Variants in MCU observed in about 807,000 individuals in gnomAD.
MCU encodes the protein mitochondrial calcium uniporter, also known as calcium uniporter protein, mitochondrial.
MCU carries 12 observed loss-of-function variants against 45.2 expected under a neutral mutation model. The ratio of observed to expected loss-of-function variants is 0.27; its 90% confidence interval spans 0.17 to 0.43. The LOEUF (loss-of-function observed/expected upper bound fraction) is 0.43, where lower values mean the gene tolerates loss of function less well. Ranked by LOEUF, MCU falls within the 20% of genes least tolerant of loss-of-function variation. The pLI is 1.00. For synonymous variants in MCU, 160 were observed against 165.1 expected, an observed-to-expected ratio of 0.97 and a Z score of 0.24; for missense variants, 324 against 436.7, an observed-to-expected ratio of 0.74 and a Z score of 2.30.
chr10:72,806,805 AC>A (rs1224802415), intron 1 of MCU, among the ~76,000 whole-genome samples: 1 of 152,244 alleles, frequency 6.6e-6, no homozygotes, highest in Non-Finnish European at 1.5e-5. Context: ...ATGAGAAGGA[AC>A]CAATCATGCA....
intron 1 of MCU, among the ~76,000 whole-genome samples, chr10:72,755,329 G>A (rs1843559808): frequency 6.6e-6 from 1 of 151,874 alleles, no homozygotes; most frequent in African/African-American, 2.4e-5. Context: ...TGTATTTTTA[G>A]TAGAGACGGG....
At chr10:72,787,891 AT>A in intron 1 of MCU, among the ~76,000 whole-genome samples, 1 of 151,596 alleles carries the variant, frequency 6.6e-6, no homozygotes, top group African/African-American at 2.4e-5. Context: ...TAATTTTTGT[AT>A]TTTTAGTAGA....
intron 1 of MCU, among the ~76,000 whole-genome samples, chr10:72,761,239 G>C (rs1344790965): frequency 6.6e-6 from 1 of 152,198 alleles, no homozygotes; most frequent in African/African-American, 2.4e-5. Flanking sequence ...CATTAGTAAT[G>C]AGAAGCGTCA....
At chr10:72,837,223 T>TA (rs1271232490) in intron 2 of MCU, among the ~76,000 whole-genome samples, 1 of 152,044 alleles carries the variant, frequency 6.6e-6, no homozygotes, top group African/African-American at 2.4e-5. Flanking sequence ...CGTAAATACT[T>TA]ATGAGAATCT....
chr10:72,730,307 C>CTTTTTTTT (rs1221272053), intron 1 of MCU, among the ~76,000 whole-genome samples: 3 of 124,236 alleles, frequency 2.4e-5, no homozygotes, highest in Non-Finnish European at 3.4e-5. Context: ...CTTTCTTTTT[C>CTTTTTTTT]TTTTTTTTTT....
intron 1 of MCU, among the ~76,000 whole-genome samples, chr10:72,826,962 CTATTT>C (rs1321045841): frequency 6.6e-6 from 1 of 152,054 alleles, no homozygotes; most frequent in African/African-American, 2.4e-5. Flanking sequence ...TGTAATTATT[CTATTT>C]TATTATTGTT....
In MCU at chr10:72,810,868, A is replaced by G. The variant is rs1844533497; in HGVS notation, c.151-23491A>G. On this transcript the variant is annotated intron_variant, in intron 1 of 7. Coordinates refer to ENST00000373053, the MANE Select transcript of MCU (RefSeq NM_138357.3). ...GATGAAATAAATTTACCAGAAAGTA[A>G]GGATTGGCACAGTAGGTCTAGGAGG... Among the ~76,000 whole-genome samples, 5 of 152,260 alleles carry G rather than the reference A, an allele frequency of 3.3e-5. No homozygotes were observed. The South Asian group carries it at 1.0e-3, about 32-fold the overall frequency.
chr10:72,821,083 T>C (rs1844705122), intron 1 of MCU, among the ~76,000 whole-genome samples: 1 of 152,186 alleles, frequency 6.6e-6, no homozygotes, highest in Non-Finnish European at 1.5e-5. Context: ...TTCTAAAGCA[T>C]TGTCCCATTT....
chr10:72,698,796 T>C (rs1457201671), intron 1 of MCU, among the ~76,000 whole-genome samples: 1 of 152,064 alleles, frequency 6.6e-6, no homozygotes, highest in Non-Finnish European at 1.5e-5. Flanking sequence ...TGAGCCACCA[T>C]GCTCAGCCCT....
At chr10:72,857,234 G>A (rs1327059882) in intron 2 of MCU, among the ~76,000 whole-genome samples, 1 of 149,598 alleles carries the variant, frequency 6.7e-6, no homozygotes, top group Non-Finnish European at 1.5e-5. Context: ...TGTGAGTTAG[G>A]GATTAAACCC....
At chr10:72,802,344 C>T (rs1344932944) in intron 1 of MCU, among the ~76,000 whole-genome samples, 2 of 150,544 alleles carry the variant, frequency 1.3e-5, no homozygotes, top group African/African-American at 2.5e-5. Context: ...TTATTAGCCT[C>T]GTTTTCATTT....
chr10:72,753,370 G>A (rs542024769), intron 1 of MCU, among the ~76,000 whole-genome samples: 2 of 152,184 alleles, frequency 1.3e-5, no homozygotes, highest in South Asian at 4.2e-4. Flanking sequence ...TTTACTCGTT[G>A]TTACATTGTA....
intron 2 of MCU, among the ~76,000 whole-genome samples, chr10:72,850,607 C>CA (rs973669491): frequency 1.3e-5 from 2 of 152,118 alleles, no homozygotes; most frequent in African/African-American, 4.8e-5. Context: ...CCTGATGCCT[C>CA]AAAGGCATTT....
At chr10:72,814,751 A>G (rs1844599603) in intron 1 of MCU, among the ~76,000 whole-genome samples, 1 of 152,272 alleles carries the variant, frequency 6.6e-6, no homozygotes, top group Non-Finnish European at 1.5e-5. Context: ...GGGTTATATT[A>G]TCTTAAGGGT....
In MCU at chr10:72,885,933, T is replaced by C. The variant is rs1845768776; in HGVS notation, c.*111T>C. The stretch of plus-strand genomic sequence containing the variant: ...GTGGGGGGTAGAGCGTTTTTACCTT[T>C]AATTATAAAACAAAAACAGAAAGGA... On this transcript the variant is annotated 3_prime_UTR_variant, in exon 8 of 8. Coordinates refer to ENST00000373053, the MANE Select transcript of MCU (RefSeq NM_138357.3). 2.7e-6 allele frequency: 2 copies of C among 751,322 alleles called. No homozygotes were observed. Among genetic ancestry groups the C allele is most frequent in the Admixed American group, 2.6e-5 (1 of 38,176 alleles). 46.5% of individuals were successfully genotyped at this position (751,322 alleles called of 1,614,324 possible).
At chr10:72,866,651 TC>T (rs1316291920) in intron 4 of MCU, among the ~76,000 whole-genome samples, 2 of 152,146 alleles carry the variant, frequency 1.3e-5, no homozygotes, top group Non-Finnish European at 2.9e-5. Flanking sequence ...CACCTTTGCC[TC>T]CCAAAGTGCT....
chr10:72,704,796 C>T (rs1313227022), intron 1 of MCU, among the ~76,000 whole-genome samples: 1 of 149,652 alleles, frequency 6.7e-6, no homozygotes, highest in African/African-American at 2.5e-5. Context: ...CTCACTGCAA[C>T]CTCCACCTCC....
intron 6 of MCU, among the ~76,000 whole-genome samples, chr10:72,877,840 A>G (rs16930150): frequency 0.046 from 6,963 of 152,222 alleles, 271 homozygotes; most frequent in East Asian, 0.2. Context: ...AATGATCACT[A>G]AAGTAGGCGA....
At chr10:72,767,199 T>C (rs1488827870) in intron 1 of MCU, 2 of 152,160 alleles carry the variant, frequency 1.3e-5, no homozygotes, top group Admixed American at 6.5e-5. Flanking sequence ...TTTAATGGAT[T>C]ACTTTGGTTT....
Sources: gnomAD v4.1 joint callset for allele counts (sites outside exome capture counted in the v4.1 genomes callset) on GRCh38, gnomAD v4.1.1 for gene constraint, MANE v1.5 for transcripts, NCBI Gene and HGNC (gene_info 2026-07-23, HGNC 2026-07-21) for gene names.